FECH: variants seen among roughly 807,000 people sequenced by gnomAD.
FECH encodes the protein ferrochelatase.
In FECH, 40 loss-of-function variants were observed where a neutral mutation model predicts 56.9. The ratio of observed to expected loss-of-function variants is 0.70; its 90% CI spans 0.55 to 0.92. The LOEUF (loss-of-function observed/expected upper bound fraction) is 0.92, where lower values mean the gene tolerates loss of function less well. FECH is among the 40% of genes least tolerant of loss of function. The pLI is 0.00. For missense variants in FECH, 431 were observed against 529.1 expected (o/e 0.81, Z 1.82); for synonymous variants, 175 against 198.6 (o/e 0.88, Z 1.00).
At chr18:57,580,303 C>T (rs2051258942) in intron 1 of FECH, 104 bp from the exon 2 acceptor site, 1 of 1,424,272 alleles carries the variant, frequency 7.0e-7, no homozygotes. Flanking sequence ...AAAGAGATCC[C>T]ATGGCAGAAA....
chr18:57,544,737 GC>G lies in FECH; in HGVS notation c.*5974del, dbSNP rs1451429215. ...TGTTTGTGAAAATCACAGTGTAATGGCTACAGAAACAACTTATGTACTGTGT... is the reference window on the plus strand; with the variant it reads ...TGTTTGTGAAAATCACAGTGTAATGGTACAGAAACAACTTATGTACTGTGT... On this transcript the variant is annotated 3_prime_UTR_variant, in exon 11 of 11. Coordinates refer to ENST00000262093, the MANE Select transcript of FECH (RefSeq NM_000140.5). Among the ~76,000 whole-genome samples, 27 of 152,188 alleles carry G rather than the reference GC, an allele frequency of 1.8e-4. No homozygotes were observed. Among genetic ancestry groups the G allele is most frequent in the African/African-American group, 5.3e-4 (22 of 41,450 alleles).
At chr18:57,573,794 C>A (rs1195916538) in intron 2 of FECH, among the ~76,000 whole-genome samples, 1 of 152,160 alleles carries the variant, frequency 6.6e-6, no homozygotes, top group African/African-American at 2.4e-5. Flanking sequence ...TAGCACCCAC[C>A]ACCTACTCAA....
intron 1 of FECH, among the ~76,000 whole-genome samples, chr18:57,582,617 TA>T (rs201112645): frequency 1.6e-4 from 22 of 140,650 alleles, no homozygotes; most frequent in Non-Finnish European, 2.0e-4. Context: ...TTTAAGGAGT[TA>T]AAAAAAAAAG....
chr18:57,581,528 CCCT>C (rs2051277687), intron 1 of FECH, among the ~76,000 whole-genome samples: 1 of 152,234 alleles, frequency 6.6e-6, no homozygotes, highest in African/African-American at 2.4e-5. Context: ...TCTCCTTCTG[CCCT>C]CCTCCTCCTA....
Position 57,570,835 on chromosome 18 carries a change from G to A in FECH, c.463+557C>T, listed in dbSNP as rs117647846. ...TCTGCACACTATTATTCTGGATAGA[G>A]GTTCTCAGATGTGCACAATCCTCTT... On this transcript the variant is annotated intron_variant, in intron 4 of 10. Coordinates refer to ENST00000262093, the MANE Select transcript of FECH (RefSeq NM_000140.5). 8.8e-3 allele frequency among the ~76,000 whole-genome samples: 1,342 copies of A among 152,312 alleles called. 10 individuals are homozygous for A. Among genetic ancestry groups the A allele is most frequent in the South Asian group, 0.021 (102 of 4,830 alleles).
At position 57,546,456 on chromosome 18, in the gene FECH, C is replaced by A. The variant is rs1470835883; in HGVS notation, c.*4256G>T. Among the ~76,000 whole-genome samples the A allele has an allele frequency of 6.6e-6, 1 of 152,196 alleles. No individual in the cohort carries two copies. Among genetic ancestry groups the A allele is most frequent in the Non-Finnish European group, 1.5e-5 (1 of 68,040 alleles). ...GCTCACTCCACTTGGGGTATGGCTG[C>A]AGCCTAATCTCTCACCCTTTGTGGG... On this transcript the variant is annotated 3_prime_UTR_variant, in exon 11 of 11. Transcript: ENST00000262093.
At chr18:57,557,474 A>G (rs1389329067) in intron 7 of FECH, among the ~76,000 whole-genome samples, 4 of 152,150 alleles carry the variant, frequency 2.6e-5, no homozygotes, top group Non-Finnish European at 4.4e-5. Context: ...GGCCACGGTC[A>G]GAGGAGGCAA....
intron 5 of FECH, 39 bp from the exon 6 acceptor site, chr18:57,563,019 T>C (rs2050965946): frequency 6.5e-7 from 1 of 1,537,214 alleles, no homozygotes; most frequent in Non-Finnish European, 9.0e-7. Context: ...TGCATTTTGA[T>C]TATGGTGAAA....
Position 57,586,545 on chromosome 18 carries a change from C to T in FECH, c.67+9G>A. The T allele has an allele frequency of 2.0e-6, 3 of 1,520,680 alleles. No homozygotes were observed. The South Asian group carries it at 3.6e-5, about 18-fold the overall frequency. The allele number at this position is 1,520,680 out of a possible 1,614,324, so 94.2% of individuals were successfully genotyped here. ...TGGCCCTGGCGGCCGCCGCGACAGACCCACTTACGCGGATCGCGGAGCAGG... is the reference window on the plus strand; with the variant it reads ...TGGCCCTGGCGGCCGCCGCGACAGATCCACTTACGCGGATCGCGGAGCAGG... On this transcript the variant is annotated intron_variant, in intron 1 of 10. Transcript: ENST00000262093.
At chr18:57,585,508 T>C (rs1235308137) in intron 1 of FECH, among the ~76,000 whole-genome samples, 1 of 152,234 alleles carries the variant, frequency 6.6e-6, no homozygotes, top group Non-Finnish European at 1.5e-5. Context: ...GGCACTGTGC[T>C]GCCTCTTCTT....
At chr18:57,581,046 A>G (rs1242814838) in intron 1 of FECH, among the ~76,000 whole-genome samples, 1 of 152,166 alleles carries the variant, frequency 6.6e-6, no homozygotes, top group African/African-American at 2.4e-5. Flanking sequence ...GGCTCCCCAC[A>G]AGGCCAGAAA....
intron 1 of FECH, among the ~76,000 whole-genome samples, chr18:57,584,325 CAAA>C (rs11383428): frequency 1.0e-5 from 1 of 99,880 alleles, no homozygotes; most frequent in African/African-American, 4.0e-5. Flanking sequence ...GACTCGGTCT[CAAA>C]AAAAAAAAAA....
intron 1 of FECH, among the ~76,000 whole-genome samples, chr18:57,581,320 A>G (rs2122362543): frequency 6.6e-6 from 1 of 152,332 alleles, no homozygotes; most frequent in Non-Finnish European, 1.5e-5. Context: ...ACCCACCTGA[A>G]TTGAGGAGAT....
intron 7 of FECH, among the ~76,000 whole-genome samples, chr18:57,555,924 T>G (rs923764329): frequency 3.3e-5 from 5 of 151,932 alleles, no homozygotes; most frequent in African/African-American, 1.2e-4. Flanking sequence ...AGGTCAGGAG[T>G]TCGAGACCAG....
intron 4 of FECH, among the ~76,000 whole-genome samples, chr18:57,567,408 G>A (rs931310198): frequency 1.3e-5 from 2 of 151,930 alleles, no homozygotes; most frequent in East Asian, 1.9e-4. Context: ...TTATCCTCCC[G>A]CATCTTCCTT....
At chr18:57,557,365 C>T (rs1272951288) in intron 7 of FECH, among the ~76,000 whole-genome samples, 2 of 152,194 alleles carry the variant, frequency 1.3e-5, no homozygotes, top group Non-Finnish European at 2.9e-5. Context: ...CTGACTTATC[C>T]TTATGACACT....
In FECH at chr18:57,551,375, C is replaced by T. The variant is rs1168401498; in HGVS notation, c.1078-1G>A. On this transcript the variant is annotated splice_acceptor_variant, in intron 9 of 10. Transcript: ENST00000262093. LOFTEE classifies it high-confidence loss of function. The stretch of plus-strand genomic sequence containing the variant: ...CTCTTCTGATGTTTTCAACTCCACA[C>T]TGAATCAAATGAGAAAAGGGAGGAA... 3 of 1,611,750 alleles carry T rather than the reference C, an allele frequency of 1.9e-6. No homozygotes were observed. Among genetic ancestry groups the T allele is most frequent in the South Asian group, 1.1e-5 (1 of 90,986 alleles).
rs1253413353 is a variant in FECH at position 57,548,533 on chromosome 18, G to C, written c.*2179C>G. ...CTGAAGAAACTGCCAGCAGTTCATT[G>C]CTAATTACCAGGGCAAACATTTGTA... is the stretch of plus-strand genomic sequence containing the variant. On this transcript the variant is annotated 3_prime_UTR_variant, in exon 11 of 11. Coordinates refer to ENST00000262093, the MANE Select transcript of FECH (RefSeq NM_000140.5). 6.6e-6 allele frequency: 1 copy of C among 152,200 alleles called. No individual in the cohort carries two copies. Among genetic ancestry groups the C allele is most frequent in the Non-Finnish European group, 1.5e-5 (1 of 68,036 alleles). 9.4% of individuals were successfully genotyped at this position (152,200 alleles called of 1,614,324 possible). A position where few individuals can be genotyped will look rare whatever the true frequency, so the allele number is the denominator to read the frequency against.
Position 57,544,377 on chromosome 18 carries a change from T to C in FECH, c.*6335A>G, listed in dbSNP as rs2050695619. Among the ~76,000 whole-genome samples, 1 of 152,218 alleles carries C rather than the reference T, an allele frequency of 6.6e-6. No homozygotes were observed. The highest frequency in any genetic ancestry group is 2.1e-4 in the South Asian group (1 of 4,830). On this transcript the variant is annotated 3_prime_UTR_variant, in exon 11 of 11. Transcript: ENST00000262093. ...TGAAAAACAGTCTATGCATATAATG[T>C]AGGTGTGAGAGTATGTTTACTATAA...
Sources: allele counts gnomAD v4.1 joint callset (sites outside exome capture counted in the v4.1 genomes callset), GRCh38; gene constraint gnomAD v4.1.1; transcripts MANE v1.5; gene names NCBI Gene and HGNC (gene_info 2026-07-23, HGNC 2026-07-21).